JPH3: variants seen among roughly 807,000 people sequenced by gnomAD.
The protein encoded by JPH3 is junctophilin 3.
A neutral mutation model predicts 59.6 loss-of-function variants in JPH3; 11 were observed. That is an observed-to-expected ratio of 0.18 (90% CI 0.12 to 0.31). JPH3 has a LOEUF of 0.31. Ranked by LOEUF, JPH3 falls within the 10% of genes least tolerant of loss-of-function variation. The pLI is 1.00. For synonymous variants in JPH3, 673 were observed against 483.6 expected (o/e 1.39, Z -5.14); for missense variants, 1,202 against 1,105.7 (o/e 1.09, Z -1.24).
At chr16:87,619,849 G>T (rs1333356362) in intron 1 of JPH3, among the ~76,000 whole-genome samples, 1 of 152,176 alleles carries the variant, frequency 6.6e-6, no homozygotes, top group Admixed American at 6.5e-5. Context: ...CGGATGGGGC[G>T]CAAGGAAGGG....
chr16:87,667,386 C>G (rs1314766962), intron 2 of JPH3, among the ~76,000 whole-genome samples: 1 of 152,236 alleles, frequency 6.6e-6, no homozygotes, highest in Non-Finnish European at 1.5e-5. Flanking sequence ...CTTTGCCAAG[C>G]ACAGGCAGTG....
intron 4 of JPH3, among the ~76,000 whole-genome samples, chr16:87,691,188 T>G (rs2033564054): frequency 6.6e-6 from 1 of 151,566 alleles, no homozygotes; most frequent in Admixed American, 6.6e-5. Flanking sequence ...CAGGCTAGAC[T>G]CGGTGTGCGA....
chr16:87,615,116 C>T (rs565771236), intron 1 of JPH3, among the ~76,000 whole-genome samples: 2 of 152,254 alleles, frequency 1.3e-5, no homozygotes, highest in South Asian at 4.1e-4. Context: ...TCCCTGCACA[C>T]ATGAGGGTTG....
chr16:87,617,210 G>A (rs1290253300), intron 1 of JPH3, among the ~76,000 whole-genome samples: 3 of 152,162 alleles, frequency 2.0e-5, no homozygotes, highest in Non-Finnish European at 2.9e-5. Context: ...GTGACAGAGT[G>A]AGACTCTGTC....
intron 1 of JPH3, among the ~76,000 whole-genome samples, chr16:87,641,805 C>T (rs930045457): frequency 2.6e-5 from 4 of 152,272 alleles, no homozygotes; most frequent in African/African-American, 9.6e-5. Context: ...GGCCATATGC[C>T]ACATGGGGCG....
chr16:87,658,625 G>A (rs55971692), intron 2 of JPH3, among the ~76,000 whole-genome samples: 76,473 of 151,724 alleles, frequency 0.5, 19,678 homozygotes, highest in East Asian at 0.64. Flanking sequence ...ATGTCGTGGA[G>A]GGCAGGCCCC....
At chr16:87,631,498 T>C (rs997314715) in intron 1 of JPH3, among the ~76,000 whole-genome samples, 1 of 152,182 alleles carries the variant, frequency 6.6e-6, no homozygotes, top group Non-Finnish European at 1.5e-5. Flanking sequence ...GTGATCTGTT[T>C]TTATGTTTCT....
In JPH3 at chr16:87,690,615, C is replaced by T. The variant is rs915404966; in HGVS notation, c.2166+89C>T. 4.6e-6 allele frequency: 6 copies of T among 1,310,890 alleles called. No homozygotes were observed. The African/African-American group carries it at 9.0e-5, about 20-fold the overall frequency. The allele number at this position is 1,310,890 out of a possible 1,614,324, so 81.2% of individuals were successfully genotyped here. ...GTTTCCTGAGGGTTTCCAGCAAGGTCACTGCTCCCCTGTTCCTCTCCAGGG... is the reference window on the plus strand; with the variant it reads ...GTTTCCTGAGGGTTTCCAGCAAGGTTACTGCTCCCCTGTTCCTCTCCAGGG... On this transcript the variant is annotated intron_variant, in intron 4 of 4. Transcript: ENST00000284262.
In JPH3 at chr16:87,602,604, C is replaced by T. The variant is rs1297400063; in HGVS notation, c.-543C>T. Among the ~76,000 whole-genome samples the T allele has an allele frequency of 7.0e-6, 1 of 142,290 alleles. No homozygotes were observed. The highest frequency in any genetic ancestry group is 1.6e-5 in the Non-Finnish European group (1 of 64,226). 93.3% of individuals were successfully genotyped at this position (142,290 alleles called of 152,430 possible). On this transcript the variant is annotated 5_prime_UTR_variant, in exon 1 of 5. Coordinates refer to ENST00000284262, the MANE Select transcript of JPH3 (RefSeq NM_020655.4). ...TGCTGCTGCTGCTGCCGCCGCCGCC[C>T]CGCGCCCGGCCCGCGGCCCCCAATA...
At chr16:87,662,665 C>G (rs1441228646) in intron 2 of JPH3, among the ~76,000 whole-genome samples, 1 of 152,212 alleles carries the variant, frequency 6.6e-6, no homozygotes, top group Non-Finnish European at 1.5e-5. Flanking sequence ...CTGAGCCATG[C>G]GGAGAGTTTG....
chr16:87,631,555 C>A (rs1268549003), intron 1 of JPH3, among the ~76,000 whole-genome samples: 2 of 152,028 alleles, frequency 1.3e-5, no homozygotes, highest in Admixed American at 1.3e-4. Context: ...AATTTCATGC[C>A]ACTGTATCTT....
At chr16:87,646,195 G>A (rs182232298) in intron 2 of JPH3, among the ~76,000 whole-genome samples, 265 of 152,334 alleles carry the variant, frequency 1.7e-3, no homozygotes, top group African/African-American at 6.1e-3. Flanking sequence ...AGCCCTTCCC[G>A]ACCTGTCGCT....
At chr16:87,682,036 G>A (rs577546572) in intron 2 of JPH3, among the ~76,000 whole-genome samples, 2 of 152,212 alleles carry the variant, frequency 1.3e-5, no homozygotes, top group East Asian at 1.9e-4. Context: ...GGAGATGCAC[G>A]GACCACCCAA....
chr16:87,614,469 T>A (rs1197698097), intron 1 of JPH3, among the ~76,000 whole-genome samples: 1 of 150,046 alleles, frequency 6.7e-6, no homozygotes, highest in Non-Finnish European at 1.5e-5. Context: ...TAAGTGCTGG[T>A]CCCTGCACAC....
Position 87,689,875 on chromosome 16 carries a change from G to T in JPH3, c.1515G>T (p.Val505=). Residue 505 remains valine, a synonymous_variant, in exon 4 of 5, where the codon GTG becomes GTT. Transcript: ENST00000284262. ...AGGTCGCCCACTTCTCGAGGCAGGT[G>T]TCGGTGGACGAGGAGCGGGGCGGGG... is the stretch of plus-strand genomic sequence containing the variant. ...RNKVAHFSRQ[V]SVDEERGGDI... 1 of 1,488,802 alleles carries T rather than the reference G, an allele frequency of 6.7e-7. No individual in the cohort carries two copies. Among genetic ancestry groups the T allele is most frequent in the Non-Finnish European group, 8.9e-7 (1 of 1,119,112 alleles). The allele number at this position is 1,488,802 out of a possible 1,614,324, so 92.2% of individuals were successfully genotyped here.
chr16:87,656,114 C>G (rs934997246), intron 2 of JPH3, among the ~76,000 whole-genome samples: 1 of 152,216 alleles, frequency 6.6e-6, no homozygotes, highest in Non-Finnish European at 1.5e-5. Context: ...CTGAGCTGGT[C>G]AGCCCAGTGT....
chr16:87,625,298 T>C (rs1428896180), intron 1 of JPH3, among the ~76,000 whole-genome samples: 3 of 152,130 alleles, frequency 2.0e-5, no homozygotes, highest in Non-Finnish European at 4.4e-5. Context: ...GAGCACACAG[T>C]CGGTGCTGGG....
Position 87,613,334 on chromosome 16 carries a change from C to T in JPH3, c.382+9806C>T, listed in dbSNP as rs569559138. Among the ~76,000 whole-genome samples, 40 of 151,816 alleles carry T rather than the reference C, an allele frequency of 2.6e-4. No individual in the cohort carries two copies. In the South Asian group the frequency reaches 3.7e-3, roughly 14 times the overall value. On this transcript the variant is annotated intron_variant, in intron 1 of 4. Transcript: ENST00000284262. ...CAGGATGGTCTCGATCTCCTGACCT[C>T]GTGAACCGCCCGCCTCGGCCTCCCA...
Position 87,690,234 on chromosome 16 carries a change from C to G in JPH3, c.1874C>G (p.Pro625Arg). The G allele has an allele frequency of 6.2e-7, 1 of 1,604,896 alleles. No individual in the cohort carries two copies. Among genetic ancestry groups the G allele is most frequent in the African/African-American group, 1.3e-5 (1 of 74,848 alleles). ...CCCTTGCTGAGGATGGAGACGCATC[C>G]CCAGAAAAGACGCTACAGCAAGGGC... ...MKPLLRMETH[P>R]QKRRYSKGGA... Residue 625 changes from proline (P) to arginine (R), a missense_variant, in exon 4 of 5, where the codon CCC becomes CGC. Coordinates refer to ENST00000284262, the MANE Select transcript of JPH3 (RefSeq NM_020655.4).
Sources: allele counts gnomAD v4.1 joint callset (sites outside exome capture counted in the v4.1 genomes callset), GRCh38; gene constraint gnomAD v4.1.1; transcripts MANE v1.5; gene names NCBI Gene and HGNC (gene_info 2026-07-23, HGNC 2026-07-21).